The following GPC6 variants were observed in gnomAD, a reference collection of about 807,000 sequenced individuals.
GPC6 encodes glypican-6.
A neutral mutation model predicts 55.2 loss-of-function variants in GPC6; 14 were observed. That is an observed-to-expected ratio of 0.25 (90% CI 0.17 to 0.40). The LOEUF is 0.40. Ranked by LOEUF, GPC6 falls within the 10% of genes least tolerant of loss-of-function variation. The probability of loss-of-function intolerance (pLI) is 1.00; values close to 1 mark genes in which losing one functional copy is unlikely to be tolerated. For synonymous variants in GPC6, 278 were observed against 259.6 expected, an observed-to-expected ratio of 1.07 and a Z score of -0.68; for missense variants, 641 against 708.5, an observed-to-expected ratio of 0.90 and a Z score of 1.08.
At chr13:93,637,761 A>G (rs1263300654) in intron 2 of GPC6, among the ~76,000 whole-genome samples, 2 of 152,102 alleles carry the variant, frequency 1.3e-5, no homozygotes, top group Non-Finnish European at 2.9e-5. Context: ...AAATCAACAC[A>G]TATTGCCATA....
chr13:94,172,423 G>A lies in GPC6; in HGVS notation c.878-113926G>A, dbSNP rs532162898. Among the ~76,000 whole-genome samples the A allele has an allele frequency of 9.7e-4, 147 of 152,214 alleles. 1 individual carries two copies. Among genetic ancestry groups the A allele is most frequent in the South Asian group, 1.7e-3 (8 of 4,822 alleles). On this transcript the variant is annotated intron_variant, in intron 4 of 8. Transcript: ENST00000377047. ...AATAGCTTACCATTTTCATGGTAAT[G>A]TTTAAAGATAATGAAAAAATGATAA... is the stretch of plus-strand genomic sequence containing the variant.
At chr13:93,619,298 C>T (rs76742843) in intron 2 of GPC6, among the ~76,000 whole-genome samples, 2,760 of 152,138 alleles carry the variant, frequency 0.018, 92 homozygotes, top group African/African-American at 0.063. Context: ...ATAAGTCAGT[C>T]TACTTTATTT....
chr13:93,346,400 C>G (rs1880431632), intron 1 of GPC6, among the ~76,000 whole-genome samples: 1 of 152,178 alleles, frequency 6.6e-6, no homozygotes, highest in Admixed American at 6.5e-5. Flanking sequence ...GTAGAGAACA[C>G]TTCGGGTGCT....
intron 1 of GPC6, among the ~76,000 whole-genome samples, chr13:93,312,155 A>T (rs953583256): frequency 5.3e-5 from 8 of 152,174 alleles, no homozygotes; most frequent in Non-Finnish European, 7.4e-5. Context: ...TTCTTTTCTT[A>T]TTCCAGGTCT....
chr13:94,135,124 C>G (rs1887137555), intron 4 of GPC6, among the ~76,000 whole-genome samples: 1 of 152,120 alleles, frequency 6.6e-6, no homozygotes, highest in South Asian at 2.1e-4. Flanking sequence ...TAGTACTTAT[C>G]TAGCTGAAAC....
chr13:93,978,035 A>G (rs1370189477), intron 3 of GPC6, among the ~76,000 whole-genome samples: 2 of 152,186 alleles, frequency 1.3e-5, no homozygotes, highest in African/African-American at 2.4e-5. Flanking sequence ...ATCCAAGTGG[A>G]CTCAGTGTAA....
intron 2 of GPC6, among the ~76,000 whole-genome samples, chr13:93,752,907 C>G (rs1884645811): frequency 6.6e-6 from 1 of 152,192 alleles, no homozygotes. Flanking sequence ...GGTTGCACAA[C>G]ATTAACTTTA....
At chr13:93,980,360 T>C (rs957494515) in intron 3 of GPC6, among the ~76,000 whole-genome samples, 1 of 152,164 alleles carries the variant, frequency 6.6e-6, no homozygotes, top group African/African-American at 2.4e-5. Flanking sequence ...AAAAGGATGC[T>C]TCATATTTTG....
intron 2 of GPC6, among the ~76,000 whole-genome samples, chr13:93,557,819 C>T (rs1163981017): frequency 6.6e-6 from 1 of 152,166 alleles, no homozygotes. Flanking sequence ...TTTTAAATTA[C>T]TAGCCACATT....
At chr13:93,757,883 GA>G (rs1242011353) in intron 2 of GPC6, among the ~76,000 whole-genome samples, 5 of 152,140 alleles carry the variant, frequency 3.3e-5, no homozygotes, top group African/African-American at 1.2e-4. Context: ...AAAGAAAACA[GA>G]AATGGATAAT....
chr13:93,603,823 T>A (rs919245621), intron 2 of GPC6, among the ~76,000 whole-genome samples: 5 of 152,238 alleles, frequency 3.3e-5, no homozygotes, highest in African/African-American at 9.6e-5. Context: ...GATACTTTTT[T>A]AAATGTCTTC....
At chr13:93,333,531 ATTTTTTT>A (rs35057548) in intron 1 of GPC6, among the ~76,000 whole-genome samples, 2 of 130,618 alleles carry the variant, frequency 1.5e-5, no homozygotes, top group Non-Finnish European at 3.2e-5. Context: ...ATGCTATTGA[ATTTTTTT>A]TTTTTTTTTT....
intron 2 of GPC6, among the ~76,000 whole-genome samples, chr13:93,739,040 A>G (rs1884106948): frequency 6.6e-6 from 1 of 152,066 alleles, no homozygotes; most frequent in African/African-American, 2.4e-5. Flanking sequence ...TACCCAATAC[A>G]GAGGTCAGAT....
chr13:93,892,421 A>C (rs771129204), intron 3 of GPC6, among the ~76,000 whole-genome samples: 1 of 152,206 alleles, frequency 6.6e-6, no homozygotes, highest in Non-Finnish European at 1.5e-5. Context: ...GGATTTAATA[A>C]TCAGGAAAGA....
intron 1 of GPC6, among the ~76,000 whole-genome samples, chr13:93,514,664 G>A (rs1881115262): frequency 1.3e-5 from 2 of 152,136 alleles, no homozygotes. Flanking sequence ...GTTAGGTATG[G>A]CTACATGATT....
At chr13:93,735,949 G>A (rs9589817) in intron 2 of GPC6, among the ~76,000 whole-genome samples, 15,857 of 152,208 alleles carry the variant, frequency 0.1, 1,630 homozygotes, top group African/African-American at 0.27. Context: ...GCCTATGGGC[G>A]TGACAGTTTA....
intron 4 of GPC6, among the ~76,000 whole-genome samples, chr13:94,067,426 T>C (rs1594709183): frequency 6.6e-6 from 1 of 152,130 alleles, no homozygotes; most frequent in African/African-American, 2.4e-5. Flanking sequence ...TGCCGTATTC[T>C]GCTACAAAAA....
chr13:93,565,539 G>T (rs138059174), intron 2 of GPC6, among the ~76,000 whole-genome samples: 1 of 152,106 alleles, frequency 6.6e-6, no homozygotes, highest in African/African-American at 2.4e-5. Context: ...TCTCAAGGAC[G>T]TCATTCCTCA....
chr13:94,384,926 G>A (rs1014556841), intron 7 of GPC6, among the ~76,000 whole-genome samples: 4 of 152,168 alleles, frequency 2.6e-5, no homozygotes, highest in Admixed American at 6.5e-5. Context: ...TCCATCAGCA[G>A]TATGATTAAG....
Sources: allele counts gnomAD v4.1 joint callset (sites outside exome capture counted in the v4.1 genomes callset), GRCh38; gene constraint gnomAD v4.1.1; transcripts MANE v1.5; gene names NCBI Gene and HGNC (gene_info 2026-07-23, HGNC 2026-07-21).